The following SBF2 variants were observed in gnomAD, a reference collection of about 807,000 sequenced individuals.
SBF2 encodes the protein myotubularin-related protein 13.
SBF2 carries 112 observed loss-of-function variants against 225.2 expected under a neutral mutation model. That is an observed-to-expected ratio of 0.50 (90% CI 0.43 to 0.58). The LOEUF (loss-of-function observed/expected upper bound fraction) is 0.58, where lower values mean the gene tolerates loss of function less well. Ranked by LOEUF, SBF2 falls within the 20% of genes least tolerant of loss-of-function variation. The pLI, the probability that SBF2 is intolerant of heterozygous loss-of-function variation, is 0.00. For synonymous variants in SBF2, 763 were observed against 773.3 expected (o/e 0.99, Z 0.22); for missense variants, 1,996 against 2,206.2 (o/e 0.90, Z 1.91).
At chr11:9,923,574 C>A (rs1863799264) in intron 16 of SBF2, among the ~76,000 whole-genome samples, 2 of 152,144 alleles carry the variant, frequency 1.3e-5, no homozygotes, top group Admixed American at 1.3e-4. Flanking sequence ...GAATGAAAAG[C>A]TATTTACAAT....
At chr11:9,979,485 C>G (rs894357018) in intron 13 of SBF2, among the ~76,000 whole-genome samples, 5 of 152,184 alleles carry the variant, frequency 3.3e-5, no homozygotes, top group African/African-American at 1.2e-4. Flanking sequence ...CAGCATACAA[C>G]ACAAGTTTTC....
In SBF2 at chr11:10,007,286, T is replaced by C. The variant is rs137986591; in HGVS notation, c.620-4597A>G. On this transcript the variant is annotated intron_variant, in intron 6 of 39. Coordinates refer to ENST00000256190, the MANE Select transcript of SBF2 (RefSeq NM_030962.4). The stretch of plus-strand genomic sequence containing the variant: ...TTTTCTTTTTTTCTCATCTATTCTC[T>C]CTTCACAGATGGGTAACTGCATCTT... Among the ~76,000 whole-genome samples, 373 of 152,220 alleles carry C rather than the reference T, an allele frequency of 2.5e-3. 2 individuals carry two copies. The highest frequency in any genetic ancestry group is 4.9e-3 in the Admixed American group (75 of 15,280).
chr11:9,943,607 A>C (rs1178189583), intron 16 of SBF2, among the ~76,000 whole-genome samples: 1 of 152,170 alleles, frequency 6.6e-6, no homozygotes, highest in Non-Finnish European at 1.5e-5. Flanking sequence ...AAACATGCAA[A>C]GCCAATGAAC....
chr11:10,010,437 G>A (rs1448213591), intron 6 of SBF2, among the ~76,000 whole-genome samples: 1 of 152,158 alleles, frequency 6.6e-6, no homozygotes, highest in East Asian at 1.9e-4. Context: ...AAGGGGTTGA[G>A]TTTCAGTTTT....
chr11:10,250,294 C>T (rs10770104), intron 1 of SBF2, among the ~76,000 whole-genome samples: 80,280 of 151,950 alleles, frequency 0.53, 21,554 homozygotes, highest in Admixed American at 0.62. Flanking sequence ...TAGTTATCTG[C>T]GCTATGCACC....
chr11:9,786,113 G>C (rs552206973), intron 36 of SBF2, among the ~76,000 whole-genome samples: 1 of 151,968 alleles, frequency 6.6e-6, no homozygotes, highest in Non-Finnish European at 1.5e-5. Context: ...TGCCTGCCTC[G>C]GCCTCCCAAA....
At chr11:9,983,392 C>A (rs376159739) in intron 13 of SBF2, among the ~76,000 whole-genome samples, 1 of 152,120 alleles carries the variant, frequency 6.6e-6, no homozygotes, top group Non-Finnish European at 1.5e-5. Flanking sequence ...AGCTGGGAAT[C>A]TCACCCCCAT....
At chr11:10,054,015 G>A (rs555841550) in intron 2 of SBF2, among the ~76,000 whole-genome samples, 11 of 151,900 alleles carry the variant, frequency 7.2e-5, no homozygotes, top group Non-Finnish European at 1.6e-4. Flanking sequence ...CAAACATTTT[G>A]TTTTTACAGA....
At chr11:9,799,417 C>A (rs965429558) in intron 32 of SBF2, among the ~76,000 whole-genome samples, 17 of 152,108 alleles carry the variant, frequency 1.1e-4, no homozygotes, top group Non-Finnish European at 2.5e-4. Flanking sequence ...CACAGGAGCA[C>A]CTGCAGTCGC....
chr11:9,825,294 A>C (rs1207295031), intron 28 of SBF2, among the ~76,000 whole-genome samples: 1 of 152,228 alleles, frequency 6.6e-6, no homozygotes, highest in Non-Finnish European at 1.5e-5. Context: ...GCAATGCCAA[A>C]GATGGCCAGC....
chr11:9,942,288 A>T (rs1299068093), intron 16 of SBF2, among the ~76,000 whole-genome samples: 3 of 152,208 alleles, frequency 2.0e-5, no homozygotes, highest in Non-Finnish European at 4.4e-5. Flanking sequence ...GCTGGGCTCA[A>T]GCAATCTTCC....
At chr11:10,156,376 C>T (rs1411770423) in intron 2 of SBF2, among the ~76,000 whole-genome samples, 1 of 152,174 alleles carries the variant, frequency 6.6e-6, no homozygotes, top group Non-Finnish European at 1.5e-5. Context: ...GCCTGGGCAT[C>T]GTGGACAGCA....
In SBF2 at chr11:10,037,737, G is replaced by A. The variant is rs368049013; in HGVS notation, c.279+5107C>T. 9.3e-5 allele frequency among the ~76,000 whole-genome samples: 14 copies of A among 150,716 alleles called. No individual in the cohort carries two copies. The South Asian group carries it at 3.0e-3, about 32-fold the overall frequency. On this transcript the variant is annotated intron_variant, in intron 3 of 39. Coordinates refer to ENST00000256190, the MANE Select transcript of SBF2 (RefSeq NM_030962.4). ...ATGTTCTCTCTATGTCTTCTACAATGAGCATAGTTTACTATGATAAAGAGC... is the reference window on the plus strand; with the variant it reads ...ATGTTCTCTCTATGTCTTCTACAATAAGCATAGTTTACTATGATAAAGAGC...
At chr11:10,206,224 A>T (rs1184231110) in intron 1 of SBF2, among the ~76,000 whole-genome samples, 1 of 151,174 alleles carries the variant, frequency 6.6e-6, no homozygotes, top group East Asian at 2.0e-4. Context: ...CTCAGGCAGC[A>T]CCAGTGGGAG....
chr11:10,202,736 T>C (rs990267372), intron 1 of SBF2, among the ~76,000 whole-genome samples: 44 of 152,040 alleles, frequency 2.9e-4, no homozygotes, highest in African/African-American at 1.1e-3. Flanking sequence ...TGCAGTGAGC[T>C]GAGATTGCGC....
intron 1 of SBF2, among the ~76,000 whole-genome samples, chr11:10,230,613 T>C (rs1958800313): frequency 6.6e-6 from 1 of 152,216 alleles, no homozygotes; most frequent in African/African-American, 2.4e-5. Flanking sequence ...GAAAATTCTT[T>C]TCTTTAAGAA....
At chr11:10,072,294 A>G (rs1950913055) in intron 2 of SBF2, among the ~76,000 whole-genome samples, 1 of 152,206 alleles carries the variant, frequency 6.6e-6, no homozygotes, top group Admixed American at 6.5e-5. Context: ...CTAAGAAAAC[A>G]TGACTCATAT....
At chr11:10,289,242 G>C (rs1354732068) in intron 1 of SBF2, among the ~76,000 whole-genome samples, 4 of 152,238 alleles carry the variant, frequency 2.6e-5, no homozygotes, top group Non-Finnish European at 5.9e-5. Flanking sequence ...TGGCCCCTGA[G>C]AGTGCAAAGA....
chr11:10,143,432 A>G (rs1222163283), intron 2 of SBF2, among the ~76,000 whole-genome samples: 2 of 152,188 alleles, frequency 1.3e-5, no homozygotes, highest in South Asian at 2.1e-4. Context: ...TGGGCCTCCC[A>G]TGAATTTTTA....
Sources: allele counts gnomAD v4.1 joint callset (sites outside exome capture counted in the v4.1 genomes callset), GRCh38; gene constraint gnomAD v4.1.1; transcripts MANE v1.5; gene names NCBI Gene and HGNC (gene_info 2026-07-23, HGNC 2026-07-21).